The following ERC1 variants were observed in gnomAD, a reference collection of about 807,000 sequenced individuals.
ERC1 encodes the protein RAB6 interacting protein 2.
In ERC1, 56 loss-of-function variants were observed where a neutral mutation model predicts 132.0. The ratio of observed to expected loss-of-function variants is 0.42; its 90% CI spans 0.34 to 0.53. ERC1 has a LOEUF of 0.53. ERC1 is among the 20% of genes least tolerant of loss of function. The pLI, the probability that ERC1 is intolerant of heterozygous loss-of-function variation, is 0.03. For missense variants in ERC1, 1,202 were observed against 1,349.9 expected (o/e 0.89, Z 1.72); for synonymous variants, 478 against 476.1 (o/e 1.00, Z -0.05).
intron 17 of ERC1, among the ~76,000 whole-genome samples, chr12:1,413,909 C>T (rs1404091123): frequency 1.3e-5 from 2 of 152,210 alleles, no homozygotes; most frequent in Non-Finnish European, 2.9e-5. Context: ...GAACCGGTTT[C>T]GTGGAAGACA....
At chr12:1,194,054 TC>T (rs1396717205) in intron 12 of ERC1, among the ~76,000 whole-genome samples, 1 of 152,190 alleles carries the variant, frequency 6.6e-6, no homozygotes, top group African/African-American at 2.4e-5. Context: ...CAAATTTCTC[TC>T]CTAAAATGAG....
chr12:1,179,500 C>CTTTTTTTTTTT (rs58317880), intron 8 of ERC1, among the ~76,000 whole-genome samples: 3 of 95,756 alleles, frequency 3.1e-5, no homozygotes, highest in East Asian at 3.5e-4. Flanking sequence ...ATTCATTTTT[C>CTTTTTTTTTTT]TTTTTTTTTT....
rs964747527 is a variant in ERC1, at chr12:1,380,051, G to A, written c.2925+8074G>A. ...GTTGGATGAATCGCAAAGACACACCGAGCAAAAATGGAGACACAGAAAAGT... is the reference window on the plus strand; with the variant it reads ...GTTGGATGAATCGCAAAGACACACCAAGCAAAAATGGAGACACAGAAAAGT... On this transcript the variant is annotated intron_variant, in intron 16 of 18. Coordinates refer to ENST00000360905, the MANE Select transcript of ERC1 (RefSeq NM_178040.4). 7 of 152,202 alleles carry A rather than the reference G, an allele frequency of 4.6e-5. 1 individual carries two copies. The highest frequency in any genetic ancestry group is 1.4e-4 in the African/African-American group (6 of 41,450). 9.4% of individuals were successfully genotyped at this position (152,202 alleles called of 1,614,324 possible).
intron 14 of ERC1, among the ~76,000 whole-genome samples, chr12:1,288,699 CAATGA>C (rs1487814089): frequency 2.0e-5 from 3 of 152,154 alleles, no homozygotes; most frequent in Non-Finnish European, 4.4e-5. Flanking sequence ...ATGTAGGAGT[CAATGA>C]ATGGCAAATG....
At chr12:1,018,457 C>T (rs562030365) in intron 1 of ERC1, among the ~76,000 whole-genome samples, 5 of 152,204 alleles carry the variant, frequency 3.3e-5, no homozygotes, top group South Asian at 2.1e-4. Flanking sequence ...TCAAGTGATC[C>T]GCCTGCCTCG....
intron 8 of ERC1, among the ~76,000 whole-genome samples, chr12:1,174,547 T>C (rs1359417161): frequency 6.6e-6 from 1 of 152,246 alleles, no homozygotes; most frequent in East Asian, 1.9e-4. Context: ...TGGATTCCTT[T>C]AATAGTTTAA....
chr12:1,009,612 G>A (rs1359036751), intron 1 of ERC1, among the ~76,000 whole-genome samples: 5 of 145,702 alleles, frequency 3.4e-5, no homozygotes, highest in African/African-American at 1.0e-4. Flanking sequence ...CATATAATAC[G>A]TATTTCTTTA....
chr12:998,006 A>G (rs969853704), intron 1 of ERC1, among the ~76,000 whole-genome samples: 4 of 152,170 alleles, frequency 2.6e-5, no homozygotes, highest in African/African-American at 9.7e-5. Context: ...TAAACTTTAA[A>G]ATGTCTCTTC....
intron 2 of ERC1, among the ~76,000 whole-genome samples, chr12:1,047,735 G>A (rs1405975765): frequency 6.6e-6 from 1 of 152,118 alleles, no homozygotes; most frequent in East Asian, 1.9e-4. Flanking sequence ...ATTTAAAAAT[G>A]ACAGTAACTA....
intron 12 of ERC1, among the ~76,000 whole-genome samples, chr12:1,223,917 C>T (rs1353932653): frequency 6.6e-6 from 1 of 152,062 alleles, no homozygotes; most frequent in Non-Finnish European, 1.5e-5. Context: ...TCCATGGCAC[C>T]TCACGATAGG....
Position 1,022,909 on chromosome 12 carries a change from C to T in ERC1, c.-156-4839C>T, listed in dbSNP as rs139433331. ...TTGGGATTACAGGCGTTAGCCACCG[C>T]GCCCAGCCTAGATCTGATGGTTTTG... On this transcript the variant is annotated intron_variant, in intron 1 of 18. Coordinates refer to ENST00000360905, the MANE Select transcript of ERC1 (RefSeq NM_178040.4). Among the ~76,000 whole-genome samples, 892 of 152,224 alleles carry T rather than the reference C, an allele frequency of 5.9e-3. 7 individuals are homozygous for T. Among genetic ancestry groups the T allele is most frequent in the African/African-American group, 0.02 (850 of 41,528 alleles).
intron 17 of ERC1, among the ~76,000 whole-genome samples, chr12:1,426,266 C>T (rs137966516): frequency 8.5e-5 from 13 of 152,112 alleles, no homozygotes; most frequent in South Asian, 6.2e-4. Context: ...CCACCACACC[C>T]GTCTAGTTTT....
At chr12:1,458,782 C>T (rs1355332424) in intron 18 of ERC1, among the ~76,000 whole-genome samples, 2 of 152,204 alleles carry the variant, frequency 1.3e-5, no homozygotes, top group African/African-American at 4.8e-5. Flanking sequence ...AGGTGACCCA[C>T]CCACCTTGGC....
chr12:1,329,187 G>A (rs1326780950), intron 15 of ERC1, among the ~76,000 whole-genome samples: 4 of 145,732 alleles, frequency 2.7e-5, no homozygotes, highest in Admixed American at 6.9e-5. Context: ...CCAGCTACTT[G>A]GGAGGCTGAG....
chr12:1,309,859 C>T (rs1186525253), intron 15 of ERC1, among the ~76,000 whole-genome samples: 1 of 152,058 alleles, frequency 6.6e-6, no homozygotes, highest in Non-Finnish European at 1.5e-5. Context: ...TATGTAACCT[C>T]TCAGTTACTC....
chr12:1,453,103 A>G (rs139396860), intron 18 of ERC1, among the ~76,000 whole-genome samples: 2 of 152,042 alleles, frequency 1.3e-5, no homozygotes, highest in Non-Finnish European at 2.9e-5. Flanking sequence ...CTCAGTGAAG[A>G]CTCAGGGTCG....
chr12:1,367,262 CTA>C, intron 15 of ERC1, among the ~76,000 whole-genome samples: 1 of 152,288 alleles, frequency 6.6e-6, no homozygotes, highest in East Asian at 1.9e-4. Context: ...GTAAATTAAA[CTA>C]TTCCTACATG....
At chr12:1,172,016 T>C (rs555322871) in intron 8 of ERC1, among the ~76,000 whole-genome samples, 4 of 152,338 alleles carry the variant, frequency 2.6e-5, no homozygotes, top group South Asian at 2.1e-4. Flanking sequence ...AGTTTTTCTT[T>C]CTTGTTGAAA....
At chr12:1,332,829 A>G (rs1444266239) in intron 15 of ERC1, among the ~76,000 whole-genome samples, 1 of 152,128 alleles carries the variant, frequency 6.6e-6, no homozygotes, top group Non-Finnish European at 1.5e-5. Context: ...CCTATGTAAG[A>G]GCATAGGGAG....
Sources: gnomAD v4.1 joint callset for allele counts (sites outside exome capture counted in the v4.1 genomes callset) on GRCh38, gnomAD v4.1.1 for gene constraint, MANE v1.5 for transcripts, NCBI Gene and HGNC (gene_info 2026-07-23, HGNC 2026-07-21) for gene names.